The following TPST1 variants were observed in gnomAD, a reference collection of about 807,000 sequenced individuals.
The protein encoded by TPST1 is protein-tyrosine sulfotransferase 1.
TPST1 carries 20 observed loss-of-function variants against 34.8 expected under a neutral mutation model. The observed-to-expected ratio is 0.57, with a 90% CI of 0.40 to 0.84. The LOEUF is 0.84. TPST1 is among the 40% of genes least tolerant of loss of function. The pLI is 0.00. For synonymous variants in TPST1, 152 were observed against 159.4 expected (o/e 0.95, Z 0.35); for missense variants, 353 against 455.5 (o/e 0.78, Z 2.05).
At chr7:66,227,972 TA>T (rs760030387) in intron 1 of TPST1, among the ~76,000 whole-genome samples, 13 of 152,150 alleles carry the variant, frequency 8.5e-5, no homozygotes, top group Non-Finnish European at 1.3e-4. Flanking sequence ...ATCAGCCAAA[TA>T]AATGCTGGTA....
chr7:66,356,296 T>C (rs1348237566), intron 4 of TPST1, among the ~76,000 whole-genome samples: 1 of 152,234 alleles, frequency 6.6e-6, no homozygotes, highest in Non-Finnish European at 1.5e-5. Flanking sequence ...GCAGAGCTTC[T>C]GTGCCTCCTC....
chr7:66,246,650 A>T (rs1177015871), intron 2 of TPST1, among the ~76,000 whole-genome samples: 1 of 152,240 alleles, frequency 6.6e-6, no homozygotes, highest in East Asian at 1.9e-4. Flanking sequence ...AATAACAAAG[A>T]TTTCCAAATA....
chr7:66,238,450 A>C (rs1789957544), intron 1 of TPST1, among the ~76,000 whole-genome samples: 1 of 141,390 alleles, frequency 7.1e-6, no homozygotes, highest in African/African-American at 2.7e-5. Flanking sequence ...TAACTTAACC[A>C]CTCAGTCAGT....
intron 1 of TPST1, among the ~76,000 whole-genome samples, chr7:66,239,887 G>GTTTT (rs1203596381): frequency 6.6e-6 from 1 of 151,750 alleles, no homozygotes; most frequent in Non-Finnish European, 1.5e-5. Flanking sequence ...GTTTTGTTTT[G>GTTTT]TTTTGTTTTT....
At chr7:66,219,608 T>A (rs969869867) in intron 1 of TPST1, among the ~76,000 whole-genome samples, 3 of 152,210 alleles carry the variant, frequency 2.0e-5, no homozygotes, top group Non-Finnish European at 4.4e-5. Flanking sequence ...ATAGGACAAT[T>A]CTGGAGAAAA....
chr7:66,278,859 A>C (rs147295450), intron 2 of TPST1, among the ~76,000 whole-genome samples: 232 of 152,300 alleles, frequency 1.5e-3, no homozygotes, highest in African/African-American at 5.4e-3. Flanking sequence ...TAAGAAAATA[A>C]AAATCATGCT....
chr7:66,280,269 G>T (rs1790906643), intron 2 of TPST1, among the ~76,000 whole-genome samples: 1 of 152,222 alleles, frequency 6.6e-6, no homozygotes, highest in Non-Finnish European at 1.5e-5. Context: ...TTTTCTCATA[G>T]AAGAGGACCT....
At chr7:66,257,153 C>G (rs1790397735) in intron 2 of TPST1, among the ~76,000 whole-genome samples, 2 of 152,044 alleles carry the variant, frequency 1.3e-5, no homozygotes, top group African/African-American at 4.8e-5. Flanking sequence ...CGCTATGTTG[C>G]CCAGGCTGGT....
chr7:66,336,971 G>GA lies in TPST1; in HGVS notation c.1045-15527dup, dbSNP rs529659913. Reference sequence around the variant, plus strand: ...GTATATTTAGAGTGCTGAAGGAAAAGAAAAAAACTGCCAAGCAAGAATACT... The same window carrying GA: ...GTATATTTAGAGTGCTGAAGGAAAAGAAAAAAAACTGCCAAGCAAGAATACT... On this transcript the variant is annotated intron_variant, in intron 3 of 5. Transcript: ENST00000304842. 4.6e-5 allele frequency among the ~76,000 whole-genome samples: 7 copies of GA among 152,088 alleles called. No homozygotes were observed. The East Asian group carries it at 9.7e-4, about 21-fold the overall frequency.
intron 1 of TPST1, among the ~76,000 whole-genome samples, chr7:66,212,451 CTTTTCTT>C (rs10551161): frequency 0.55 from 75,661 of 137,972 alleles, 19,769 homozygotes; most frequent in African/African-American, 0.64. Context: ...AGTGTATTTT[CTTTTCTT>C]TTTTCTTTTT....
intron 3 of TPST1, among the ~76,000 whole-genome samples, chr7:66,345,335 A>G (rs1439114629): frequency 4.0e-5 from 6 of 151,448 alleles, no homozygotes; most frequent in Non-Finnish European, 8.8e-5. Flanking sequence ...TGTCTCTACT[A>G]AAAATAGAAA....
At chr7:66,243,108 A>G (rs1174901167) in intron 2 of TPST1, among the ~76,000 whole-genome samples, 2 of 151,818 alleles carry the variant, frequency 1.3e-5, no homozygotes, top group Non-Finnish European at 2.9e-5. Flanking sequence ...CATTTCTTTT[A>G]GGTATATACC....
At chr7:66,211,020 T>C (rs1325364832) in intron 1 of TPST1, among the ~76,000 whole-genome samples, 1 of 150,622 alleles carries the variant, frequency 6.6e-6, no homozygotes, top group Non-Finnish European at 1.5e-5. Flanking sequence ...AGGATAAATA[T>C]TGCCTTTGTT....
At chr7:66,199,778 A>T in the TPST1 span, among the ~76,000 whole-genome samples, 1 of 148,664 alleles carries the variant, frequency 6.7e-6, no homozygotes, top group Admixed American at 6.7e-5. Context: ...CAGGGGCACT[A>T]TCTCGGTTCA....
At chr7:66,253,678 C>T (rs777465475) in intron 2 of TPST1, among the ~76,000 whole-genome samples, 6 of 150,898 alleles carry the variant, frequency 4.0e-5, no homozygotes, top group African/African-American at 2.4e-5. Context: ...GTCAAGAAAT[C>T]CTTCTTCACT....
At chr7:66,261,423 A>G (rs1790486600) in intron 2 of TPST1, among the ~76,000 whole-genome samples, 1 of 151,988 alleles carries the variant, frequency 6.6e-6, no homozygotes, top group Admixed American at 6.6e-5. Context: ...GTTATGTACT[A>G]GTTTGCTTTA....
At chr7:66,322,911 TA>T (rs1461778162) in intron 3 of TPST1, among the ~76,000 whole-genome samples, 5 of 151,998 alleles carry the variant, frequency 3.3e-5, no homozygotes, top group East Asian at 1.9e-4. Flanking sequence ...CAACACTTGT[TA>T]TTTTTTTTAT....
Position 66,240,898 on chromosome 7 carries a change from A to G in TPST1, c.473A>G (p.Asn158Ser). 6.2e-7 allele frequency: 1 copy of G among 1,614,204 alleles called. No individual in the cohort carries two copies. Among genetic ancestry groups the G allele is most frequent in the Non-Finnish European group, 8.5e-7 (1 of 1,180,054 alleles). The change falls in exon 2 of 6, where the codon AAT becomes AGT. Residue 158 changes from asparagine (N) to serine (S), a missense_variant. Coordinates refer to ENST00000304842, the MANE Select transcript of TPST1 (RefSeq NM_003596.4). ...GGGGAGCCAGCCCCTTATTTATGTA[A>G]TAAAGATCCTTTTGCCCTGAAATCT... ...KHGEPAPYLC[N>S]KDPFALKSLT...
intron 3 of TPST1, among the ~76,000 whole-genome samples, chr7:66,339,085 C>A (rs1212052698): frequency 1.3e-5 from 2 of 148,290 alleles, no homozygotes; most frequent in Non-Finnish European, 3.0e-5. Context: ...AATTGGCAAA[C>A]CTTTCAGAAG....
Sources: gnomAD v4.1 joint callset for allele counts (sites outside exome capture counted in the v4.1 genomes callset) on GRCh38, gnomAD v4.1.1 for gene constraint, MANE v1.5 for transcripts, NCBI Gene and HGNC (gene_info 2026-07-23, HGNC 2026-07-21) for gene names.